The following BMPR2 variants were observed in gnomAD, a reference collection of about 807,000 sequenced individuals.
The protein encoded by BMPR2 is bone morphogenetic protein receptor type 2.
A neutral mutation model predicts 100.8 loss-of-function variants in BMPR2; 29 were observed. That is an observed-to-expected ratio of 0.29 (90% CI 0.21 to 0.39). The LOEUF is 0.39. BMPR2 is among the 10% of genes least tolerant of loss of function. BMPR2 has a pLI of 1.00. For synonymous variants in BMPR2, 382 were observed against 442.3 expected, an observed-to-expected ratio of 0.86 and a Z score of 1.71; for missense variants, 1,011 against 1,274.5, an observed-to-expected ratio of 0.79 and a Z score of 3.15.
chr2:202,424,674 C>T (rs1418979691), intron 1 of BMPR2, among the ~76,000 whole-genome samples: 1 of 151,862 alleles, frequency 6.6e-6, no homozygotes, highest in Admixed American at 6.6e-5. Flanking sequence ...CCAGCCTGGG[C>T]GACAGAGCGA....
intron 3 of BMPR2, among the ~76,000 whole-genome samples, chr2:202,477,597 G>A (rs1456368983): frequency 6.6e-6 from 1 of 152,090 alleles, no homozygotes; most frequent in Non-Finnish European, 1.5e-5. Flanking sequence ...AGACCAGCCT[G>A]GCCAATATGA....
At position 202,564,525 on chromosome 2, in the gene BMPR2, C is replaced by T. The variant is rs1273957557; in HGVS notation, c.*4579C>T. 1 of 152,192 alleles carries T rather than the reference C, an allele frequency of 6.6e-6. No homozygotes were observed. The highest frequency in any genetic ancestry group is 2.4e-5 in the African/African-American group (1 of 41,436). The allele number at this position is 152,192 out of a possible 1,614,324, so 9.4% of individuals were successfully genotyped here. A position where few individuals can be genotyped will look rare whatever the true frequency, so the allele number is the denominator to read the frequency against. On this transcript the variant is annotated 3_prime_UTR_variant, in exon 13 of 13. Transcript: ENST00000374580. ...GTTTACTCTCCAGCATATAAGGTTG[C>T]ATTTTAACTTTTAGATTATGAACTG...
chr2:202,383,930 G>C (rs1191285694), intron 1 of BMPR2, among the ~76,000 whole-genome samples: 1 of 152,058 alleles, frequency 6.6e-6, no homozygotes, highest in Non-Finnish European at 1.5e-5. Context: ...CTAGCACTTT[G>C]GGAGGCCGAG....
chr2:202,450,807 ATTATG>A (rs1434429854), intron 1 of BMPR2, among the ~76,000 whole-genome samples: 2 of 152,024 alleles, frequency 1.3e-5, no homozygotes, highest in Non-Finnish European at 1.5e-5. Flanking sequence ...TATAGGGACA[ATTATG>A]TTAGATTAAG....
Position 202,556,191 on chromosome 2 carries a change from G to T in BMPR2, c.2526G>T (p.Arg842Ser), listed in dbSNP as rs368819325. 51 of 1,611,346 alleles carry T rather than the reference G, an allele frequency of 3.2e-5. No homozygotes were observed. The highest frequency in any genetic ancestry group is 4.2e-5 in the Non-Finnish European group (49 of 1,177,884). ...SGQTTNIVTH[R>S]AQEMLQNQFI... ...AAACAACCAACATAGTGACACATAG[G>T]GCCCAAGAAATGTTGCAGAATCAGT... is the stretch of plus-strand genomic sequence containing the variant. Residue 842 changes from arginine to serine, a missense_variant, in exon 12 of 13, where the codon AGG (arginine) becomes AGT (serine). Arg to Ser is a moderately radical substitution (Grantham distance 110, BLOSUM62 -1). Transcript: ENST00000374580.
chr2:202,517,489 C>CT (rs1166701434), intron 5 of BMPR2, among the ~76,000 whole-genome samples: 1 of 151,922 alleles, frequency 6.6e-6, no homozygotes, highest in Non-Finnish European at 1.5e-5. Context: ...ACAAAAGTGA[C>CT]TACAGGCGCA....
intron 4 of BMPR2, 108 bp downstream of exon 4, chr2:202,513,937 C>A: frequency 1.2e-6 from 1 of 816,016 alleles, no homozygotes; most frequent in South Asian, 1.6e-5. Context: ...CAAAGTTATG[C>A]AAAATACACC....
At chr2:202,528,355 T>G (rs905869689) in intron 7 of BMPR2, among the ~76,000 whole-genome samples, 21 of 152,104 alleles carry the variant, frequency 1.4e-4, no homozygotes, top group Non-Finnish European at 2.9e-4. Context: ...GCCGAGCTGA[T>G]TTTTTGTATT....
chr2:202,488,710 G>C (rs1487266036), intron 3 of BMPR2, among the ~76,000 whole-genome samples: 1 of 152,084 alleles, frequency 6.6e-6, no homozygotes, highest in Non-Finnish European at 1.5e-5. Context: ...TAGAATTACA[G>C]GTGTGAGCCA....
At chr2:202,483,941 A>G (rs1394311022) in intron 3 of BMPR2, among the ~76,000 whole-genome samples, 1 of 152,162 alleles carries the variant, frequency 6.6e-6, no homozygotes, top group Non-Finnish European at 1.5e-5. Context: ...AATAAAAAGA[A>G]AAGTTAGCTG....
At chr2:202,407,839 T>C (rs1303206331) in intron 1 of BMPR2, among the ~76,000 whole-genome samples, 2 of 151,986 alleles carry the variant, frequency 1.3e-5, no homozygotes, top group Non-Finnish European at 2.9e-5. Flanking sequence ...CTTTTTCTTT[T>C]CTTTTTTTTT....
chr2:202,566,333 T>C lies in BMPR2; in HGVS notation c.*6387T>C, dbSNP rs1688762952. 6.6e-6 allele frequency: 1 copy of C among 152,630 alleles called. No individual in the cohort carries two copies. The highest frequency in any genetic ancestry group is 1.5e-5 in the Non-Finnish European group (1 of 68,000). 9.5% of individuals were successfully genotyped at this position (152,630 alleles called of 1,614,324 possible). ...GTTCAATTGTTAGCAAGTAAGCAAT[T>C]AGATCCAGTTGAATATTTAAAGTGT... On this transcript the variant is annotated 3_prime_UTR_variant, in exon 13 of 13. Transcript: ENST00000374580.
chr2:202,509,535 CA>C (rs957514365), intron 3 of BMPR2, among the ~76,000 whole-genome samples: 2 of 150,454 alleles, frequency 1.3e-5, no homozygotes, highest in African/African-American at 2.4e-5. Flanking sequence ...TTAGTAAAAG[CA>C]AAAAAAAGCC....
intron 3 of BMPR2, among the ~76,000 whole-genome samples, chr2:202,474,107 C>CAAAAAAAAAAAAAAAAAAAAAAAA (rs1344273073): frequency 6.7e-6 from 1 of 148,660 alleles, no homozygotes; most frequent in African/African-American, 2.5e-5. Flanking sequence ...TCTGTCTCAC[C>CAAAAAAAAAAAAAAAAAAAAAAAA]AAAAATAATA....
chr2:202,532,220 C>A lies in BMPR2; in HGVS notation c.1129-365C>A, dbSNP rs1409019867. 6.6e-6 allele frequency among the ~76,000 whole-genome samples: 1 copy of A among 151,978 alleles called. No homozygotes were observed. The highest frequency in any genetic ancestry group is 1.5e-5 in the Non-Finnish European group (1 of 67,998). Reference sequence around the variant, plus strand: ...CCTCCCAAAGTGCTAGGATTACAGGCATGAGCCACTGCACCCGGCCACCCA... The same window carrying A: ...CCTCCCAAAGTGCTAGGATTACAGGAATGAGCCACTGCACCCGGCCACCCA... On this transcript the variant is annotated intron_variant, in intron 8 of 12. Coordinates refer to ENST00000374580, the MANE Select transcript of BMPR2 (RefSeq NM_001204.7). This position sits in a 1 kb window ranked among gnomAD's most constrained non-coding sequence, Gnocchi z 4.1.
At chr2:202,437,296 G>A (rs984817317) in intron 1 of BMPR2, among the ~76,000 whole-genome samples, 1 of 150,518 alleles carries the variant, frequency 6.6e-6, no homozygotes, top group Non-Finnish European at 1.5e-5. Flanking sequence ...GAGCCACTGC[G>A]CCCAGCCAAA....
intron 9 of BMPR2, among the ~76,000 whole-genome samples, chr2:202,533,496 C>T (rs911733283): frequency 7.2e-5 from 11 of 151,960 alleles, no homozygotes; most frequent in Non-Finnish European, 1.0e-4. Flanking sequence ...CGTTGCACCC[C>T]AGCCTGGGCA....
At chr2:202,507,094 G>T (rs79489848) in intron 3 of BMPR2, among the ~76,000 whole-genome samples, 1 of 148,420 alleles carries the variant, frequency 6.7e-6, no homozygotes, top group African/African-American at 2.5e-5. Context: ...AAAAAAAAAG[G>T]AATTCATTAA....
intron 1 of BMPR2, among the ~76,000 whole-genome samples, chr2:202,416,531 T>C (rs1266816311): frequency 1.3e-5 from 2 of 151,454 alleles, no homozygotes; most frequent in Non-Finnish European, 1.5e-5. Flanking sequence ...GTTCAAGCGA[T>C]TCTCCTGCCT....
Sources: gnomAD v4.1 joint callset for allele counts (sites outside exome capture counted in the v4.1 genomes callset) on GRCh38, gnomAD v4.1.1 for gene constraint, Gnocchi (gnomAD v3.1) non-coding constraint, MANE v1.5 for transcripts, NCBI Gene and HGNC (gene_info 2026-07-23, HGNC 2026-07-21) for gene names.